Variants in LIMD1 observed in about 807,000 individuals in gnomAD.
LIMD1 encodes LIM domain containing 1, also known as LIM domain-containing protein 1.
Under a neutral mutation model 58.4 loss-of-function variants are expected in LIMD1, and 23 were observed. The ratio of observed to expected loss-of-function variants is 0.39; its 90% confidence interval spans 0.28 to 0.56. The LOEUF (loss-of-function observed/expected upper bound fraction) is 0.56, where lower values mean the gene tolerates loss of function less well. Among genes scored for constraint, LIMD1 ranks in the 20% least tolerant of loss-of-function variants. The probability of loss-of-function intolerance (pLI) is 0.57; values close to 1 mark genes in which losing one functional copy is unlikely to be tolerated. For synonymous variants in LIMD1, 334 were observed against 345.5 expected, an observed-to-expected ratio of 0.97 and a Z score of 0.37; for missense variants, 838 against 855.5, an observed-to-expected ratio of 0.98 and a Z score of 0.25.
chr3:45,606,764 G>A (rs1169713021), intron 1 of LIMD1, among the ~76,000 whole-genome samples: 1 of 152,198 alleles, frequency 6.6e-6, no homozygotes, highest in Non-Finnish European at 1.5e-5. Flanking sequence ...CCCAGGCTGT[G>A]TGCAGAGGTG....
intron 2 of LIMD1, among the ~76,000 whole-genome samples, chr3:45,645,733 G>GGCA: frequency 2.6e-5 from 4 of 152,148 alleles, no homozygotes; most frequent in African/African-American, 7.2e-5. Flanking sequence ...TCAGGTTTCT[G>GGCA]TGGCCCTCTC....
intron 1 of LIMD1, 192 bp from the exon 2 acceptor site, chr3:45,635,958 T>C (rs541601061): frequency 1.0e-6 from 1 of 985,170 alleles, no homozygotes; most frequent in East Asian, 1.1e-4. Context: ...TCCAGCCTGG[T>C]AGCTGTTTTC....
chr3:45,647,430 T>G (rs1701918571), intron 2 of LIMD1, among the ~76,000 whole-genome samples: 1 of 152,150 alleles, frequency 6.6e-6, no homozygotes, highest in South Asian at 2.1e-4. Flanking sequence ...AAGGACCAGA[T>G]GCATAGCAGG....
In LIMD1 at chr3:45,595,969, G is replaced by T; in HGVS notation, c.1090G>T (p.Ala364Ser). 6.2e-7 allele frequency: 1 copy of T among 1,614,240 alleles called. No homozygotes were observed. The highest frequency in any genetic ancestry group is 8.5e-7 in the Non-Finnish European group (1 of 1,180,042). The change falls in exon 1 of 8, where the codon GCG becomes TCG. Residue 364 changes from alanine (A) to serine (S), a missense_variant. Physicochemically the swap from Ala to Ser is moderately conservative, Grantham distance 99 (BLOSUM62 1). This residue lies in a region of LIMD1 where 659 missense variants were observed against 639.8 expected (regional missense o/e 1.03). Coordinates refer to ENST00000273317, the MANE Select transcript of LIMD1 (RefSeq NM_014240.3). ...TGGTCTGGACGGTTCACAGCAGGGTGCGGTCCCTGGGCTGGGGCCGAAGCC... is the reference window on the plus strand; with the variant it reads ...TGGTCTGGACGGTTCACAGCAGGGTTCGGTCCCTGGGCTGGGGCCGAAGCC... ...PAGLDGSQQGAVPGLGPKPGC... is the reference protein window; with the variant it reads ...PAGLDGSQQGSVPGLGPKPGC...
rs975446302 is a variant in LIMD1 at position 45,681,437 on chromosome 3, C to T, written c.*4378C>T. On this transcript the variant is annotated 3_prime_UTR_variant, in exon 8 of 8. Transcript: ENST00000273317. Reference sequence around the variant, plus strand: ...ATAAAGTGAGCACACCACATGGGTTCATGGATCCTGGCAGAAGTTATGAGA... The same window carrying T: ...ATAAAGTGAGCACACCACATGGGTTTATGGATCCTGGCAGAAGTTATGAGA... 1 of 152,226 alleles carries T rather than the reference C, an allele frequency of 6.6e-6. No homozygotes were observed. The highest frequency in any genetic ancestry group is 1.5e-5 in the Non-Finnish European group (1 of 68,042). The allele number at this position is 152,226 out of a possible 1,614,324, so 9.4% of individuals were successfully genotyped here.
chr3:45,602,345 A>G (rs1701423635), intron 1 of LIMD1, among the ~76,000 whole-genome samples: 1 of 152,110 alleles, frequency 6.6e-6, no homozygotes, highest in Non-Finnish European at 1.5e-5. Context: ...AAAGCTAACC[A>G]GGAGAGAGCC....
rs1280193503 is a variant in LIMD1 at position 45,679,451 on chromosome 3, T to C, written c.*2392T>C. On this transcript the variant is annotated 3_prime_UTR_variant, in exon 8 of 8. Transcript: ENST00000273317. ...GGTATTTTAAATGTTCTGTAAATTA[T>C]TAGCCAAATAGAACTGTAATGGGGT... is the stretch of plus-strand genomic sequence containing the variant. The C allele has an allele frequency of 6.6e-6, 1 of 152,230 alleles. No individual in the cohort carries two copies. The highest frequency in any genetic ancestry group is 2.4e-5 in the African/African-American group (1 of 41,452). The allele number at this position is 152,230 out of a possible 1,614,324, so 9.4% of individuals were successfully genotyped here.
chr3:45,639,850 ACAGGGTTTCTT>A (rs1350051671), intron 2 of LIMD1, among the ~76,000 whole-genome samples: 13 of 152,262 alleles, frequency 8.5e-5, no homozygotes, highest in Admixed American at 3.9e-4. Context: ...TTTAGTAGAG[ACAGGGTTTCTT>A]CATGTTGGTC....
At chr3:45,653,927 G>GAAAAAAAAAAAAAAAAAAAAAAAA (rs1701999564) in intron 2 of LIMD1, among the ~76,000 whole-genome samples, 1 of 106,846 alleles carries the variant, frequency 9.4e-6, no homozygotes. Flanking sequence ...AAAAAAAAAA[G>GAAAAAAAAAAAAAAAAAAAAAAAA]AAAAAGAAAA....
chr3:45,677,827 T>C lies in LIMD1; in HGVS notation c.*768T>C, dbSNP rs924255173. On this transcript the variant is annotated 3_prime_UTR_variant, in exon 8 of 8. Transcript: ENST00000273317. The stretch of plus-strand genomic sequence containing the variant: ...GAAGAACTTGGTGCAGGCACCAGGA[T>C]TTTTTTTTTTGCCCACGTGTTTGCG... 1.3e-5 allele frequency: 2 copies of C among 148,382 alleles called. No individual in the cohort carries two copies. The highest frequency in any genetic ancestry group is 4.9e-5 in the African/African-American group (2 of 40,546). The allele number at this position is 148,382 out of a possible 1,614,324, so 9.2% of individuals were successfully genotyped here.
rs117194820 is a variant in LIMD1 at position 45,636,833 on chromosome 3, C to T, written c.1510+582C>T. Among the ~76,000 whole-genome samples the T allele has an allele frequency of 2.5e-3, 378 of 152,294 alleles. 9 individuals are homozygous for T. The East Asian group carries it at 0.045, about 18-fold the overall frequency. ...TCCAGTACATGCATTATAATTCAAG[C>T]AGCCCATCAGGAGTCTGGATTGAAT... On this transcript the variant is annotated intron_variant, in intron 2 of 7. Coordinates refer to ENST00000273317, the MANE Select transcript of LIMD1 (RefSeq NM_014240.3).
At chr3:45,663,858 T>C (rs902692189) in intron 2 of LIMD1, among the ~76,000 whole-genome samples, 2 of 145,318 alleles carry the variant, frequency 1.4e-5, no homozygotes, top group Non-Finnish European at 3.0e-5. Flanking sequence ...CGTGGCACCA[T>C]GCCTGGCTAA....
chr3:45,612,070 G>GCTCTCTCTCTCTCT (rs112847908), intron 1 of LIMD1, among the ~76,000 whole-genome samples: 19 of 144,950 alleles, frequency 1.3e-4, no homozygotes, highest in African/African-American at 4.6e-4. Context: ...GCAGGTGCGC[G>GCTCTCTCTCTCTCT]CTCTCTCTCT....
chr3:45,658,535 C>CTTTTTTTTTTTTTTTTTTTTTTTT (rs10572210), intron 2 of LIMD1, among the ~76,000 whole-genome samples: 3 of 44,738 alleles, frequency 6.7e-5, no homozygotes, highest in Non-Finnish European at 1.4e-4. Context: ...CATGCAGATT[C>CTTTTTTTTTTTTTTTTTTTTTTTT]TTTTTTTTTT....
chr3:45,651,804 G>A (rs1701976676), intron 2 of LIMD1, among the ~76,000 whole-genome samples: 1 of 151,724 alleles, frequency 6.6e-6, no homozygotes, highest in African/African-American at 2.4e-5. Flanking sequence ...GCTAATTTTT[G>A]TATTTTTAGT....
chr3:45,631,945 G>A (rs998342848), intron 1 of LIMD1, among the ~76,000 whole-genome samples: 8 of 152,156 alleles, frequency 5.3e-5, no homozygotes, highest in African/African-American at 9.7e-5. Context: ...CTTGCAGGAC[G>A]GTCCTCTTCA....
At chr3:45,596,512 G>A (rs1701354554) in intron 1 of LIMD1, among the ~76,000 whole-genome samples, 1 of 152,180 alleles carries the variant, frequency 6.6e-6, no homozygotes, top group East Asian at 1.9e-4. Flanking sequence ...GGTTACCCAT[G>A]TGTGAAGGGT....
chr3:45,675,837 T>G (rs1219028430), intron 7 of LIMD1, among the ~76,000 whole-genome samples: 4 of 152,048 alleles, frequency 2.6e-5, no homozygotes, highest in African/African-American at 9.7e-5. Flanking sequence ...TGAGACCCTG[T>G]CTCTACTAAA....
chr3:45,640,965 C>T (rs1332797259), intron 2 of LIMD1, among the ~76,000 whole-genome samples: 7 of 152,206 alleles, frequency 4.6e-5, no homozygotes, highest in Admixed American at 3.9e-4. Flanking sequence ...TGTGTCTCAG[C>T]GGCTTCTCTT....
Sources: allele counts gnomAD v4.1 joint callset (sites outside exome capture counted in the v4.1 genomes callset), GRCh38; gene constraint gnomAD v4.1.1; regional missense constraint gnomAD v4.1.1; transcripts MANE v1.5; gene names NCBI Gene and HGNC (gene_info 2026-07-23, HGNC 2026-07-21).